CELF2: variants seen among roughly 807,000 people sequenced by gnomAD.
The protein encoded by CELF2 is CUG triplet repeat RNA-binding protein 2.
A neutral mutation model predicts 62.6 loss-of-function variants in CELF2; 8 were observed. The ratio of observed to expected loss-of-function variants is 0.13; its 90% CI spans 0.07 to 0.23. CELF2 has a LOEUF of 0.23. Ranked by LOEUF, CELF2 falls within the 10% of genes least tolerant of loss-of-function variation. The pLI is 1.00. For missense variants in CELF2, 333 were observed against 671.0 expected (o/e 0.50, Z 5.56); for synonymous variants, 258 against 250.0 (o/e 1.03, Z -0.30).
the CELF2 span, among the ~76,000 whole-genome samples, chr10:10,578,479 G>A: frequency 3.9e-5 from 6 of 152,108 alleles, no homozygotes; most frequent in East Asian, 1.9e-4. Context: ...TTCTTCTAGG[G>A]TTTTTATGGT....
chr10:11,232,913 T>G (rs1222069492), intron 3 of CELF2, among the ~76,000 whole-genome samples: 1 of 152,188 alleles, frequency 6.6e-6, no homozygotes, highest in Non-Finnish European at 1.5e-5. Context: ...GTCATGATCT[T>G]CAGCCTCTTG....
chr10:11,073,036 C>A (rs1225167046), intron 1 of CELF2, among the ~76,000 whole-genome samples: 2 of 151,864 alleles, frequency 1.3e-5, no homozygotes, highest in Admixed American at 1.3e-4. Context: ...ACTACTAATA[C>A]AAGTTACATA....
At chr10:10,672,327 T>G in the CELF2 span, among the ~76,000 whole-genome samples, 3 of 152,206 alleles carry the variant, frequency 2.0e-5, no homozygotes, top group Admixed American at 2.0e-4. Flanking sequence ...AAATCCAAGG[T>G]TATCTAGATT....
At chr10:10,652,039 A>G in the CELF2 span, among the ~76,000 whole-genome samples, 1 of 149,990 alleles carries the variant, frequency 6.7e-6, no homozygotes, top group African/African-American at 2.5e-5. Flanking sequence ...GAGCTGATGG[A>G]GCTGAAAACT....
At chr10:10,468,853 A>C in the CELF2 span, among the ~76,000 whole-genome samples, 13 of 151,890 alleles carry the variant, frequency 8.6e-5, no homozygotes, top group Middle Eastern at 3.2e-3. Flanking sequence ...CCCAAGCTTC[A>C]TTCTAAATTT....
the CELF2 span, among the ~76,000 whole-genome samples, chr10:10,716,168 A>G: frequency 6.6e-6 from 1 of 152,260 alleles, no homozygotes; most frequent in Non-Finnish European, 1.5e-5. Context: ...ATTTTGATCA[A>G]TGATATTCTT....
At chr10:11,146,033 G>A (rs2062209284) in intron 1 of CELF2, among the ~76,000 whole-genome samples, 1 of 152,206 alleles carries the variant, frequency 6.6e-6, no homozygotes, top group African/African-American at 2.4e-5. Flanking sequence ...ACAGCATGGA[G>A]AGGTGGGCCT....
the CELF2 span, among the ~76,000 whole-genome samples, chr10:10,670,017 C>A: frequency 6.6e-6 from 1 of 151,212 alleles, no homozygotes; most frequent in Non-Finnish European, 1.5e-5. Context: ...ATTCTCCTGC[C>A]TCAGCCTCCC....
the CELF2 span, among the ~76,000 whole-genome samples, chr10:10,676,880 A>G: frequency 6.6e-6 from 1 of 152,222 alleles, no homozygotes. Context: ...CAGTACTTTT[A>G]GACTCTTAAT....
the CELF2 span, among the ~76,000 whole-genome samples, chr10:10,684,742 TCAA>T: frequency 3.3e-5 from 5 of 152,166 alleles, no homozygotes; most frequent in South Asian, 4.2e-4. Context: ...GGACCCTGTC[TCAA>T]CAACAACAAC....
At chr10:10,584,188 A>G in the CELF2 span, among the ~76,000 whole-genome samples, 1 of 152,180 alleles carries the variant, frequency 6.6e-6, no homozygotes, top group Non-Finnish European at 1.5e-5. Flanking sequence ...TAAAAGAAAA[A>G]TTTTGACTGA....
intron 4 of CELF2, among the ~76,000 whole-genome samples, chr10:11,251,960 C>T (rs945348825): frequency 6.6e-6 from 1 of 152,210 alleles, no homozygotes; most frequent in East Asian, 1.9e-4. Flanking sequence ...TCAAAACCCC[C>T]AAGTCTTCTA....
chr10:11,092,083 AG>A (rs1400626687), intron 1 of CELF2, among the ~76,000 whole-genome samples: 1 of 152,188 alleles, frequency 6.6e-6, no homozygotes, highest in East Asian at 1.9e-4. Context: ...AAGGCCAAAG[AG>A]CAAAATCAGA....
the CELF2 span, among the ~76,000 whole-genome samples, chr10:10,763,658 T>G: frequency 6.6e-6 from 1 of 152,178 alleles, no homozygotes; most frequent in Non-Finnish European, 1.5e-5. Context: ...GTGGAGCTGT[T>G]TGAAACAGAA....
chr10:10,990,473 G>A lies in CELF2; in HGVS notation c.89+70474G>A, dbSNP rs1482173188. 6.6e-6 allele frequency among the ~76,000 whole-genome samples: 1 copy of A among 151,982 alleles called. No homozygotes were observed. Among genetic ancestry groups the A allele is most frequent in the East Asian group, 1.9e-4 (1 of 5,190 alleles). ...ATTATTATGAGCATGAATTGCTTTT[G>A]TAATCATTAAAAACAATAAACGTTA... On this transcript the variant is annotated intron_variant, in intron 2 of 13. Transcript: ENST00000636488. This position sits in a 1 kb window ranked among gnomAD's most constrained non-coding sequence, Gnocchi z 4.6.
intron 1 of CELF2, among the ~76,000 whole-genome samples, chr10:11,101,281 A>G (rs1367326021): frequency 6.6e-6 from 1 of 152,208 alleles, no homozygotes; most frequent in Non-Finnish European, 1.5e-5. Context: ...GAGACATCCA[A>G]ATGGAAATAC....
intron 2 of CELF2, among the ~76,000 whole-genome samples, chr10:10,940,212 T>G (rs1333953469): frequency 6.6e-6 from 1 of 152,218 alleles, no homozygotes; most frequent in Non-Finnish European, 1.5e-5. Flanking sequence ...GGGGGAATTA[T>G]ACTTTTCACA....
At chr10:10,873,444 G>C (rs1399016274) in intron 1 of CELF2, among the ~76,000 whole-genome samples, 1 of 152,110 alleles carries the variant, frequency 6.6e-6, no homozygotes, top group African/African-American at 2.4e-5. Flanking sequence ...AGCAAACAGG[G>C]TTTCTTTAGT....
chr10:10,472,033 T>C, the CELF2 span, among the ~76,000 whole-genome samples: 2 of 150,438 alleles, frequency 1.3e-5, no homozygotes, highest in East Asian at 3.9e-4. Flanking sequence ...GATTTTTTTT[T>C]CTTTGGCTTT....
Sources: gnomAD v4.1 joint callset for allele counts (sites outside exome capture counted in the v4.1 genomes callset) on GRCh38, gnomAD v4.1.1 for gene constraint, Gnocchi (gnomAD v3.1) non-coding constraint, MANE v1.5 for transcripts, NCBI Gene and HGNC (gene_info 2026-07-23, HGNC 2026-07-21) for gene names.